The following BPIFB6 variants were observed in gnomAD, a reference collection of about 807,000 sequenced individuals.
The protein encoded by BPIFB6 is BPI fold-containing family B member 6.
In BPIFB6, 47 loss-of-function variants were observed where a neutral mutation model predicts 54.7. That is an observed-to-expected ratio of 0.86 (90% CI 0.68 to 1.10). The LOEUF (loss-of-function observed/expected upper bound fraction) is 1.10. Ranked by LOEUF, BPIFB6 falls within the 50% of genes least tolerant of loss-of-function variation. The probability of loss-of-function intolerance (pLI) is 0.00; values close to 1 mark genes in which losing one functional copy is unlikely to be tolerated. For missense variants in BPIFB6, 603 were observed against 564.1 expected (o/e 1.07, Z -0.70); for synonymous variants, 255 against 225.9 (o/e 1.13, Z -1.16).
intron 1 of BPIFB6, 82 bp from the exon 2 acceptor site, chr20:33,032,902 G>A: frequency 9.1e-7 from 1 of 1,104,656 alleles, no homozygotes; most frequent in Non-Finnish European, 1.4e-6. Flanking sequence ...GCCCAGGGTG[G>A]GGCACAGTGA....
chr20:33,033,375 T>C (rs765636856), intron 2 of BPIFB6: 5 of 511,356 alleles, frequency 9.8e-6, no homozygotes, highest in Non-Finnish European at 1.9e-5. Context: ...CATGAACTCA[T>C]TGAATGTACG....
In BPIFB6 at chr20:33,035,062, G is replaced by A. The variant is rs768145524; in HGVS notation, c.453-19G>A. On this transcript the variant is annotated intron_variant, in intron 4 of 14. Transcript: ENST00000349552. ...CTGGTGCACCTGCCCACCTATCCTCGGTGCCTGTGTCCATCTAGCATGCTC... is the reference window on the plus strand; with the variant it reads ...CTGGTGCACCTGCCCACCTATCCTCAGTGCCTGTGTCCATCTAGCATGCTC... 1.1e-4 allele frequency: 184 copies of A among 1,613,396 alleles called. No homozygotes were observed. Among genetic ancestry groups the A allele is most frequent in the Non-Finnish European group, 1.5e-4 (177 of 1,179,898 alleles).
At chr20:33,040,405 C>A in intron 11 of BPIFB6, 87 bp downstream of exon 11, 1 of 1,265,922 alleles carries the variant, frequency 7.9e-7, no homozygotes. Flanking sequence ...CCGAGCTGAT[C>A]CACCCAGCAC....
chr20:33,032,417 T>C (rs1979142833), intron 1 of BPIFB6, among the ~76,000 whole-genome samples: 1 of 152,188 alleles, frequency 6.6e-6, no homozygotes, highest in Non-Finnish European at 1.5e-5. Context: ...AGAATTTCTC[T>C]GCTTCAGGCC....
chr20:33,036,012 G>A (rs986147752), intron 6 of BPIFB6, among the ~76,000 whole-genome samples: 2 of 152,084 alleles, frequency 1.3e-5, no homozygotes, highest in South Asian at 4.1e-4. Flanking sequence ...GGGATATACT[G>A]CCTCCATCAT....
chr20:33,043,328 G>C lies in BPIFB6; in HGVS notation c.1290G>C (p.Leu430=), dbSNP rs777320321. The C allele has an allele frequency of 6.2e-7, 1 of 1,614,178 alleles. No individual in the cohort carries two copies. The highest frequency in any genetic ancestry group is 8.5e-7 in the Non-Finnish European group (1 of 1,180,030). Residue 430 remains leucine, a synonymous_variant, in exon 14 of 15, where the codon CTG becomes CTC. Coordinates refer to ENST00000349552, the MANE Select transcript of BPIFB6 (RefSeq NM_174897.2). The part of the protein sequence containing the change: ...LQVGLPLPDF[L]AMNYNLAELD... ...TGGGGCTCCCACTCCCGGACTTTCT[G>C]GCCATGAATTACAACCTGGCTGAGC... is the stretch of plus-strand genomic sequence containing the variant.
intron 3 of BPIFB6, 152 bp from the exon 4 acceptor site, chr20:33,034,611 C>T (rs774011606): frequency 1.2e-6 from 1 of 864,368 alleles, no homozygotes; most frequent in East Asian, 2.5e-5. Context: ...GGTTGTGTCA[C>T]CTGGGGCAGG....
intron 14 of BPIFB6, 22 bp from the exon 15 acceptor site, chr20:33,043,993 C>T (rs750294824): frequency 1.2e-6 from 2 of 1,614,028 alleles, no homozygotes; most frequent in African/African-American, 1.3e-5. Context: ...CATTGCTCTC[C>T]TACCCCTTTG....
Position 33,031,690 on chromosome 20 carries a change from GGCA to G in BPIFB6, c.44_46del (p.Gly15_Thr16delinsAla). 6.2e-7 allele frequency: 1 copy of G among 1,614,106 alleles called. No individual in the cohort carries two copies. Among genetic ancestry groups the G allele is most frequent in the Middle Eastern group, 1.7e-4 (1 of 6,060 alleles). On this transcript the variant is annotated inframe_deletion, in exon 1 of 15. Transcript: ENST00000349552. Reference sequence around the variant, plus strand: ...CCTGGCACTCTGCAGCCTGCTGACTGGCACGCGAGCTGACCCTGGGGCACTGCT... The same window carrying G: ...CCTGGCACTCTGCAGCCTGCTGACTGCGCGAGCTGACCCTGGGGCACTGCT...
At chr20:33,043,579 T>G (rs568159600) in intron 14 of BPIFB6, among the ~76,000 whole-genome samples, 5 of 152,348 alleles carry the variant, frequency 3.3e-5, no homozygotes, top group African/African-American at 1.2e-4. Context: ...TCCTGCCATC[T>G]TGGGCCAATT....
chr20:33,041,605 C>A (rs1221262630), intron 11 of BPIFB6, among the ~76,000 whole-genome samples: 5 of 152,014 alleles, frequency 3.3e-5, no homozygotes, highest in Admixed American at 2.6e-4. Flanking sequence ...AGGGACGGGG[C>A]TGGGGGAAGG....
chr20:33,042,937 A>T (rs1600528292), intron 13 of BPIFB6, 59 bp downstream of exon 13: 10 of 1,530,916 alleles, frequency 6.5e-6, no homozygotes, highest in South Asian at 2.3e-5. Context: ...GCAATAAGGG[A>T]TGCCACCTGG....
intron 12 of BPIFB6, 80 bp downstream of exon 12, chr20:33,042,095 GCCCT>G: frequency 1.4e-6 from 2 of 1,446,826 alleles, no homozygotes; most frequent in Non-Finnish European, 1.9e-6. Flanking sequence ...CAGGGCCGAG[GCCCT>G]GAAATGGAGG....
intron 9 of BPIFB6, 61 bp from the exon 10 acceptor site, chr20:33,039,284 TTA>T (rs558937473): frequency 1.5e-3 from 2,181 of 1,502,142 alleles, no homozygotes; most frequent in Non-Finnish European, 1.8e-3. Flanking sequence ...GAGGGACCCC[TTA>T]TTTCAACTGA....
intron 12 of BPIFB6, among the ~76,000 whole-genome samples, chr20:33,042,549 G>A (rs1979633717): frequency 1.3e-5 from 2 of 152,232 alleles, no homozygotes; most frequent in African/African-American, 4.8e-5. Flanking sequence ...GGTCCACAGA[G>A]CCACTTCTTG....
At chr20:33,036,968 A>G (rs1979369739) in intron 7 of BPIFB6, among the ~76,000 whole-genome samples, 1 of 152,058 alleles carries the variant, frequency 6.6e-6, no homozygotes, top group African/African-American at 2.4e-5. Flanking sequence ...TTGGCACAGC[A>G]TTCCCCACCA....
chr20:33,034,895 G>A lies in BPIFB6; in HGVS notation c.435G>A (p.Lys145=), dbSNP rs749807117. 2 of 1,610,602 alleles carry A rather than the reference G, an allele frequency of 1.2e-6. No individual in the cohort carries two copies. Among genetic ancestry groups the A allele is most frequent in the Non-Finnish European group, 1.7e-6 (2 of 1,177,224 alleles). Reference sequence around the variant, plus strand: ...GTGAGGTCATCCTGGTCAATGTGAAGACTAACCTGCCTAGCAAGTGAGGGG... The same window carrying A: ...GTGAGGTCATCCTGGTCAATGTGAAAACTAACCTGCCTAGCAAGTGAGGGG... The part of the protein sequence containing the change: ...EGCEVILVNV[K]TNLPSNMLPK... Residue 145 remains lysine (K), a synonymous_variant, in exon 4 of 15, where the codon AAG becomes AAA. Coordinates refer to ENST00000349552, the MANE Select transcript of BPIFB6 (RefSeq NM_174897.2).
intron 7 of BPIFB6, among the ~76,000 whole-genome samples, chr20:33,036,873 C>T (rs1464390467): frequency 6.6e-6 from 1 of 152,156 alleles, no homozygotes; most frequent in Non-Finnish European, 1.5e-5. Context: ...CAGTGACCTA[C>T]CCAAGGCCAC....
intron 11 of BPIFB6, among the ~76,000 whole-genome samples, chr20:33,041,565 A>G (rs931621508): frequency 1.3e-5 from 2 of 152,104 alleles, no homozygotes; most frequent in Non-Finnish European, 2.9e-5. Context: ...TCTGGTGGCA[A>G]CATATGTTAG....
Sources: allele counts gnomAD v4.1 joint callset (sites outside exome capture counted in the v4.1 genomes callset), GRCh38; gene constraint gnomAD v4.1.1; transcripts MANE v1.5; gene names NCBI Gene and HGNC (gene_info 2026-07-23, HGNC 2026-07-21).